Variants in SDK1 observed in about 807,000 individuals in gnomAD.
SDK1 encodes protein sidekick-1.
A neutral mutation model predicts 245.5 loss-of-function variants in SDK1; 157 were observed. That is an observed-to-expected ratio of 0.64 (90% CI 0.56 to 0.73). SDK1 has a LOEUF of 0.73. Ranked by LOEUF, SDK1 falls within the 30% of genes least tolerant of loss-of-function variation. The pLI is 0.00. For synonymous variants in SDK1, 1,647 were observed against 1,278.5 expected (o/e 1.29, Z -6.15); for missense variants, 3,583 against 3,002.3 (o/e 1.19, Z -4.52).
At chr7:3,889,862 G>A (rs1249699453) in intron 5 of SDK1, among the ~76,000 whole-genome samples, 4 of 152,262 alleles carry the variant, frequency 2.6e-5, no homozygotes, top group Non-Finnish European at 4.4e-5. Flanking sequence ...CTAGTCTCCT[G>A]CTGGTCTGTC....
intron 2 of SDK1, among the ~76,000 whole-genome samples, chr7:3,637,277 A>G (rs1343180059): frequency 6.6e-6 from 1 of 152,054 alleles, no homozygotes; most frequent in Non-Finnish European, 1.5e-5. Context: ...TTGTATTTTT[A>G]GTACAGACTG....
intron 1 of SDK1, among the ~76,000 whole-genome samples, chr7:3,606,492 C>A (rs778507494): frequency 2.8e-4 from 43 of 152,140 alleles, no homozygotes; most frequent in Non-Finnish European, 6.0e-4. Flanking sequence ...CATAAGACTT[C>A]TTCCTCTTAC....
chr7:3,436,812 A>G (rs1267735249), intron 1 of SDK1, among the ~76,000 whole-genome samples: 1 of 152,190 alleles, frequency 6.6e-6, no homozygotes, highest in Non-Finnish European at 1.5e-5. Context: ...AGTTGTGAAT[A>G]AGAGCCAGAA....
chr7:3,552,198 T>A (rs1447701415), intron 1 of SDK1, among the ~76,000 whole-genome samples: 1 of 152,032 alleles, frequency 6.6e-6, no homozygotes, highest in Non-Finnish European at 1.5e-5. Flanking sequence ...CCACCAAGCC[T>A]GGCTAATTTT....
intron 14 of SDK1, among the ~76,000 whole-genome samples, chr7:3,998,124 C>T (rs1194952755): frequency 3.3e-5 from 5 of 152,344 alleles, no homozygotes; most frequent in South Asian, 4.1e-4. Flanking sequence ...GGGCAGGGCT[C>T]CTGCCTGCTC....
intron 20 of SDK1, among the ~76,000 whole-genome samples, chr7:4,069,898 A>C (rs951534826): frequency 6.6e-6 from 1 of 152,170 alleles, no homozygotes; most frequent in African/African-American, 2.4e-5. Flanking sequence ...CCACCATCAC[A>C]GCCAATGGGC....
chr7:3,526,228 G>A (rs962990431), intron 1 of SDK1, among the ~76,000 whole-genome samples: 8 of 150,800 alleles, frequency 5.3e-5, no homozygotes, highest in Non-Finnish European at 7.4e-5. Context: ...GCGAGACTCC[G>A]TCGCAAAAAA....
intron 20 of SDK1, among the ~76,000 whole-genome samples, chr7:4,070,583 G>T (rs1022628762): frequency 3.7e-4 from 56 of 152,126 alleles, no homozygotes; most frequent in African/African-American, 1.4e-3. Context: ...AGCAAACCCA[G>T]TGCCAACCCC....
intron 1 of SDK1, among the ~76,000 whole-genome samples, chr7:3,543,660 C>T (rs766007045): frequency 3.3e-5 from 5 of 152,128 alleles, no homozygotes; most frequent in Non-Finnish European, 5.9e-5. Context: ...GCAGGCAGAG[C>T]GCTGGGTTTG....
chr7:3,570,522 C>G (rs909159712), intron 1 of SDK1, among the ~76,000 whole-genome samples: 7 of 152,198 alleles, frequency 4.6e-5, no homozygotes, highest in African/African-American at 9.7e-5. Context: ...TTTCCCCCAA[C>G]TCTTCTCTGC....
At chr7:3,774,318 G>A (rs181521992) in intron 4 of SDK1, among the ~76,000 whole-genome samples, 4 of 152,138 alleles carry the variant, frequency 2.6e-5, no homozygotes, top group African/African-American at 4.8e-5. Flanking sequence ...CAGCAACAGC[G>A]GCCACTGGCC....
At chr7:3,825,030 A>T (rs1779736522) in intron 5 of SDK1, among the ~76,000 whole-genome samples, 2 of 152,016 alleles carry the variant, frequency 1.3e-5, no homozygotes, top group Non-Finnish European at 1.5e-5. Flanking sequence ...ATCCACTTTG[A>T]AGTTTTAATG....
chr7:4,009,024 G>A (rs1785721373), intron 14 of SDK1, among the ~76,000 whole-genome samples: 1 of 152,208 alleles, frequency 6.6e-6, no homozygotes, highest in Non-Finnish European at 1.5e-5. Context: ...ACCGCGAAAT[G>A]GGGCGGAATT....
intron 1 of SDK1, among the ~76,000 whole-genome samples, chr7:3,322,776 C>A (rs1260559157): frequency 1.3e-5 from 2 of 152,128 alleles, no homozygotes; most frequent in Non-Finnish European, 2.9e-5. Context: ...CTTTTGCTCC[C>A]TTCTCTTCAC....
At chr7:4,181,665 G>A (rs994272487) in intron 35 of SDK1, among the ~76,000 whole-genome samples, 3 of 152,178 alleles carry the variant, frequency 2.0e-5, no homozygotes, top group African/African-American at 7.2e-5. Flanking sequence ...TCTGCCCAGA[G>A]GCCTGGGCTC....
chr7:3,406,524 T>TG (rs1358431960), intron 1 of SDK1, among the ~76,000 whole-genome samples: 1 of 152,186 alleles, frequency 6.6e-6, no homozygotes, highest in African/African-American at 2.4e-5. Flanking sequence ...TCTCCAACTG[T>TG]GGGCCAGTTC....
chr7:3,953,472 T>C (rs755459577), intron 7 of SDK1, among the ~76,000 whole-genome samples: 1 of 152,232 alleles, frequency 6.6e-6, no homozygotes, highest in Non-Finnish European at 1.5e-5. Flanking sequence ...CAGATGTAAA[T>C]ATCACATCCC....
At chr7:3,383,082 C>A (rs551745940) in intron 1 of SDK1, among the ~76,000 whole-genome samples, 1 of 152,038 alleles carries the variant, frequency 6.6e-6, no homozygotes, top group African/African-American at 2.4e-5. Context: ...CTTGCATTTC[C>A]GCTAAAAAAA....
chr7:3,789,375 C>T (rs1583415251), intron 4 of SDK1, among the ~76,000 whole-genome samples: 3 of 152,278 alleles, frequency 2.0e-5, no homozygotes, highest in South Asian at 4.1e-4. Flanking sequence ...CTCCAACCCC[C>T]GACCTCAGGT....
Sources: gnomAD v4.1 joint callset for allele counts (sites outside exome capture counted in the v4.1 genomes callset) on GRCh38, gnomAD v4.1.1 for gene constraint, MANE v1.5 for transcripts, NCBI Gene and HGNC (gene_info 2026-07-23, HGNC 2026-07-21) for gene names.